Variants in TSPAN4 observed in about 807,000 individuals in gnomAD.
TSPAN4 encodes the protein tetraspanin-4.
Under a neutral mutation model 31.5 loss-of-function variants are expected in TSPAN4, and 38 were observed. The observed-to-expected ratio is 1.21, with a 90% CI of 0.93 to 1.58. The LOEUF is 1.58. Ranked by LOEUF, TSPAN4 falls within the 40% of genes most tolerant of loss-of-function variation. The probability of loss-of-function intolerance (pLI) is 0.00; values close to 1 mark genes in which losing one functional copy is unlikely to be tolerated. For synonymous variants in TSPAN4, 186 were observed against 144.6 expected (o/e 1.29, Z -2.06); for missense variants, 330 against 317.3 (o/e 1.04, Z -0.30).
At chr11:847,455 T>C (rs888455553) in intron 2 of TSPAN4, among the ~76,000 whole-genome samples, 155 bp downstream of exon 2, 2 of 152,114 alleles carry the variant, frequency 1.3e-5, no homozygotes, top group African/African-American at 4.8e-5. Context: ...GGCTGGACTT[T>C]GGAGACAGGG....
At chr11:860,869 C>G (rs543229626) in intron 3 of TSPAN4, among the ~76,000 whole-genome samples, 27 of 152,272 alleles carry the variant, frequency 1.8e-4, no homozygotes, top group African/African-American at 6.3e-4. Flanking sequence ...AGGGATCCCC[C>G]AGGGCTGCGC....
chr11:858,424 C>T (rs7946539), intron 3 of TSPAN4: 69,593 of 153,404 alleles, frequency 0.45, 16,331 homozygotes, highest in Admixed American at 0.52. Flanking sequence ...GGGATGTCCC[C>T]TGGCACTTCT....
chr11:865,593 C>T lies in TSPAN4; in HGVS notation c.411C>T (p.Ala137=). ...AGGGCAACGTGGGCCTCACCAACGCCTGGAGCATCATCCAGACCGACGTGA... is the reference window on the plus strand; with the variant it reads ...AGGGCAACGTGGGCCTCACCAACGCTTGGAGCATCATCCAGACCGACGTGA... ...GTQGNVGLTN[A]WSIIQTDFRC... is the part of the protein sequence containing the mutation. The change falls in exon 6 of 9, where the codon GCC becomes GCT. Residue 137 remains alanine (A), a synonymous_variant. Transcript: ENST00000397397. 1.2e-6 allele frequency: 2 copies of T among 1,612,982 alleles called. No homozygotes were observed. The highest frequency in any genetic ancestry group is 1.7e-6 in the Non-Finnish European group (2 of 1,179,912).
intron 3 of TSPAN4, among the ~76,000 whole-genome samples, chr11:852,726 G>A (rs1407432652): frequency 6.6e-6 from 1 of 152,260 alleles, no homozygotes; most frequent in African/African-American, 2.4e-5. Flanking sequence ...CCAGCCCCCT[G>A]TTGTCGGGGC....
chr11:856,342 C>CA (rs1384028307), intron 3 of TSPAN4, among the ~76,000 whole-genome samples: 92 of 151,578 alleles, frequency 6.1e-4, no homozygotes, highest in African/African-American at 2.1e-3. Flanking sequence ...GAGATGGTCT[C>CA]ACGCAGGTCC....
At chr11:858,292 C>T (rs886939558) in intron 3 of TSPAN4, 1 of 152,940 alleles carries the variant, frequency 6.5e-6, no homozygotes, top group Admixed American at 6.5e-5. Context: ...GCTGGTGCAT[C>T]CCATAGCAGG....
intron 3 of TSPAN4, among the ~76,000 whole-genome samples, chr11:852,731 C>T (rs935661823): frequency 2.0e-5 from 3 of 152,350 alleles, no homozygotes; most frequent in Admixed American, 6.5e-5. Flanking sequence ...CCCCTGTTGT[C>T]GGGGCTTTTG....
chr11:844,997 C>T (rs1441408505), intron 1 of TSPAN4, among the ~76,000 whole-genome samples: 1 of 152,176 alleles, frequency 6.6e-6, no homozygotes, highest in African/African-American at 2.4e-5. Context: ...TGGGATTCAG[C>T]TGAACTTGCA....
In TSPAN4 at chr11:848,897, A is replaced by C. The variant is rs770793779; in HGVS notation, c.-17-1391A>C. 7 of 712,950 alleles carry C rather than the reference A, an allele frequency of 9.8e-6. No homozygotes were observed. Among genetic ancestry groups the C allele is most frequent in the Non-Finnish European group, 1.8e-5 (7 of 382,876 alleles). 44.2% of individuals were successfully genotyped at this position (712,950 alleles called of 1,614,324 possible). A position where few individuals can be genotyped will look rare whatever the true frequency, so the allele number is the denominator to read the frequency against. ...AGGTGTGTGCGCATCCGGCGTGATG[A>C]CACCCAGGAGTGCAGGCACATCTGC... On this transcript the variant is annotated intron_variant, in intron 2 of 8. Coordinates refer to ENST00000397397, the MANE Select transcript of TSPAN4 (RefSeq NM_003271.5). The surrounding 1 kb of genome is among the most constrained non-coding windows in gnomAD (Gnocchi z 5.7).
chr11:866,367 GA>G (rs776928169), intron 8 of TSPAN4, among the ~76,000 whole-genome samples, 194 bp from the exon 9 acceptor site: 4 of 152,090 alleles, frequency 2.6e-5, no homozygotes, highest in Non-Finnish European at 5.9e-5. Context: ...AGGCTCAGGG[GA>G]GGGTGCTGTG....
chr11:851,348 CTGGGAGTCGGGGG>C (rs1217284686), intron 3 of TSPAN4, among the ~76,000 whole-genome samples: 1 of 152,198 alleles, frequency 6.6e-6, no homozygotes, highest in Non-Finnish European at 1.5e-5. Flanking sequence ...GCTCCTGCAG[CTGGGAGTCGGGGG>C]TGTGGCCTCA....
intron 3 of TSPAN4, among the ~76,000 whole-genome samples, chr11:850,680 C>G (rs1213741376): frequency 6.6e-6 from 1 of 152,172 alleles, no homozygotes; most frequent in Non-Finnish European, 1.5e-5. Flanking sequence ...CCGGACAGGG[C>G]CACCCGGGCA....
At position 866,017 on chromosome 11, in the gene TSPAN4, C is replaced by G; in HGVS notation, c.648+16C>G. 6.2e-7 allele frequency: 1 copy of G among 1,610,552 alleles called. No individual in the cohort carries two copies. Among genetic ancestry groups the G allele is most frequent in the Non-Finnish European group, 8.5e-7 (1 of 1,179,356 alleles). ...GCTGGTGCAGGTATGGCCTGGGGGC[C>G]TGCGGGCTCCCTGCCCCCACTTTGT... is the stretch of plus-strand genomic sequence containing the variant. On this transcript the variant is annotated intron_variant, in intron 8 of 8. Transcript: ENST00000397397.
At chr11:865,666 C>T in intron 6 of TSPAN4, 28 bp from the exon 7 acceptor site, 1 of 1,612,704 alleles carries the variant, frequency 6.2e-7, no homozygotes, top group Non-Finnish European at 8.5e-7. Flanking sequence ...CCCCTCCTGC[C>T]TCAGCCCGAC....
chr11:866,229 G>A (rs1403054079), intron 8 of TSPAN4, among the ~76,000 whole-genome samples: 2 of 151,560 alleles, frequency 1.3e-5, no homozygotes, highest in Non-Finnish European at 2.9e-5. Context: ...GCCGGTGGTC[G>A]TCCATGTTGG....
chr11:850,253 T>G (rs778338484), intron 2 of TSPAN4, 35 bp from the exon 3 acceptor site: 2 of 1,549,886 alleles, frequency 1.3e-6, no homozygotes, highest in East Asian at 2.4e-5. Context: ...AGTACGTGGT[T>G]TTCTACCTGG....
At chr11:855,449 C>T (rs999097941) in intron 3 of TSPAN4, among the ~76,000 whole-genome samples, 4 of 152,248 alleles carry the variant, frequency 2.6e-5, no homozygotes, top group East Asian at 1.9e-4. Context: ...ATTCCTGTGC[C>T]TCCAGCAAAC....
intron 5 of TSPAN4, 129 bp from the exon 6 acceptor site, chr11:865,384 G>C: frequency 1.4e-6 from 1 of 694,620 alleles, no homozygotes; most frequent in Non-Finnish European, 2.5e-6. Flanking sequence ...GCAGCTTGGT[G>C]GGCTAGGAGG....
Position 848,864 on chromosome 11 carries a change from G to A in TSPAN4, c.-17-1424G>A. On this transcript the variant is annotated intron_variant, in intron 2 of 8. Coordinates refer to ENST00000397397, the MANE Select transcript of TSPAN4 (RefSeq NM_003271.5). This position sits in a 1 kb window ranked among gnomAD's most constrained non-coding sequence, Gnocchi z 5.7. ...CTGGGGGCCTCTGTCCCCATCTCCG[G>A]CTGTGGGAGGTGTGTGCGCATCCGG... is the stretch of plus-strand genomic sequence containing the variant. The A allele has an allele frequency of 2.9e-6, 2 of 698,042 alleles. No homozygotes were observed. The allele number at this position is 698,042 out of a possible 1,614,324, so 43.2% of individuals were successfully genotyped here. A position where few individuals can be genotyped will look rare whatever the true frequency, so the allele number is the denominator to read the frequency against.
Sources: allele counts gnomAD v4.1 joint callset (sites outside exome capture counted in the v4.1 genomes callset), GRCh38; gene constraint gnomAD v4.1.1; non-coding constraint Gnocchi (gnomAD v3.1); transcripts MANE v1.5; gene names NCBI Gene and HGNC (gene_info 2026-07-23, HGNC 2026-07-21).